The following GALNTL5 variants were observed in gnomAD, a reference collection of about 807,000 sequenced individuals.
The protein encoded by GALNTL5 is polypeptide N-acetylgalactosaminyltransferase like 5.
GALNTL5 carries 44 observed loss-of-function variants against 51.0 expected under a neutral mutation model. The observed-to-expected ratio is 0.86, with a 90% confidence interval of 0.68 to 1.11. The LOEUF is 1.11. Among genes scored for constraint, GALNTL5 ranks in the 50% least tolerant of loss-of-function variants. The pLI is 0.00. For missense variants in GALNTL5, 528 were observed against 531.8 expected, an observed-to-expected ratio of 0.99 and a Z score of 0.07; for synonymous variants, 192 against 182.8, an observed-to-expected ratio of 1.05 and a Z score of -0.41.
intron 3 of GALNTL5, among the ~76,000 whole-genome samples, chr7:151,977,755 A>T (rs1175932263): frequency 1.3e-5 from 2 of 152,114 alleles, no homozygotes; most frequent in African/African-American, 4.8e-5. Flanking sequence ...CATTACTCTA[A>T]AGTTATTGTT....
intron 5 of GALNTL5, among the ~76,000 whole-genome samples, chr7:151,999,763 A>G (rs2081547709): frequency 6.6e-6 from 1 of 152,244 alleles, no homozygotes; most frequent in African/African-American, 2.4e-5. Context: ...AATGTGAAGT[A>G]TAAAGCTGTG....
rs146171275 is a variant in GALNTL5, at chr7:151,988,778, G to A, written c.658+1497G>A. Among the ~76,000 whole-genome samples the A allele has an allele frequency of 5.1e-3, 748 of 147,784 alleles. 2 individuals carry two copies. Among genetic ancestry groups the A allele is most frequent in the Middle Eastern group, 0.018 (5 of 278 alleles). On this transcript the variant is annotated intron_variant, in intron 5 of 8. Transcript: ENST00000392800. Reference sequence around the variant, plus strand: ...AGGCTGGAGTGCAATGGCACAATCTGTAACCTCCTCCCACTGGGCTCAAGC... The same window carrying A: ...AGGCTGGAGTGCAATGGCACAATCTATAACCTCCTCCCACTGGGCTCAAGC...
chr7:151,982,831 G>T (rs761376681), intron 3 of GALNTL5, 155 bp from the exon 4 acceptor site: 1 of 1,494,640 alleles, frequency 6.7e-7, no homozygotes, highest in African/African-American at 1.4e-5. Flanking sequence ...ATAAATTTTT[G>T]TGTTTTTAGA....
intron 2 of GALNTL5, among the ~76,000 whole-genome samples, chr7:151,970,061 C>T (rs2081113327): frequency 6.6e-6 from 1 of 151,064 alleles, no homozygotes; most frequent in African/African-American, 2.4e-5. Flanking sequence ...CCACCCACCT[C>T]AGCCTCCCAA....
Position 151,967,413 on chromosome 7 carries a change from T to C in GALNTL5, c.167T>C (p.Ile56Thr), listed in dbSNP as rs1310660537. The C allele has an allele frequency of 2.5e-6, 4 of 1,614,064 alleles. No individual in the cohort carries two copies. The highest frequency in any genetic ancestry group is 3.4e-6 in the Non-Finnish European group (4 of 1,179,982). The change falls in exon 2 of 9, where the codon ATT becomes ACT. Residue 56 changes from isoleucine to threonine, a missense_variant. Transcript: ENST00000392800. ...CCTGGAAAAAAAGTGCATCAGCAAA[T>C]TATCTATGGCTCAGAGCAAATACCA... The part of the protein sequence containing the change: ...WSPGKKVHQQ[I>T]IYGSEQIPKP...
chr7:152,012,719 C>T (rs981114219), intron 7 of GALNTL5, among the ~76,000 whole-genome samples: 1 of 152,194 alleles, frequency 6.6e-6, no homozygotes, highest in Non-Finnish European at 1.5e-5. Context: ...CTAATCCGAG[C>T]ACTTTGGGAG....
At chr7:152,002,131 T>G (rs1462321611) in intron 5 of GALNTL5, among the ~76,000 whole-genome samples, 1 of 151,988 alleles carries the variant, frequency 6.6e-6, no homozygotes, top group African/African-American at 2.4e-5. Context: ...AATACAAAAA[T>G]TAGCCTGGCA....
intron 7 of GALNTL5, among the ~76,000 whole-genome samples, chr7:152,010,475 T>G (rs1228238986): frequency 6.6e-6 from 1 of 150,420 alleles, no homozygotes; most frequent in East Asian, 1.9e-4. Context: ...AGATATTTAA[T>G]TTTATTTTTG....
intron 3 of GALNTL5, among the ~76,000 whole-genome samples, chr7:151,981,616 T>C (rs1397019808): frequency 3.5e-5 from 3 of 84,718 alleles, no homozygotes; most frequent in East Asian, 4.6e-4. Flanking sequence ...CCTCCTTCCT[T>C]CCTTCCTTCC....
chr7:152,018,931 G>A (rs2081853740), intron 8 of GALNTL5, among the ~76,000 whole-genome samples: 1 of 152,162 alleles, frequency 6.6e-6, no homozygotes, highest in African/African-American at 2.4e-5. Context: ...GAAAAGATAA[G>A]GGTTCTGTTT....
chr7:151,987,218 A>G lies in GALNTL5; in HGVS notation c.595A>G (p.Ile199Val), dbSNP rs753263970. Residue 199 changes from isoleucine to valine, a missense_variant, in exon 5 of 9, where the codon ATA becomes GTA. Physicochemically the swap from Ile to Val is conservative, Grantham distance 29. Transcript: ENST00000392800. ...AACTTTTCGGGGAAAGGTTAAAATAATAAGAAACAAAAAGAGAGAGGGGCT... is the reference window on the plus strand; with the variant it reads ...AACTTTTCGGGGAAAGGTTAAAATAGTAAGAAACAAAAAGAGAGAGGGGCT... ...LETFRGKVKI[I>V]RNKKREGLIR... 3.8e-6 allele frequency: 6 copies of G among 1,599,932 alleles called. No homozygotes were observed. In the African/African-American group the frequency reaches 6.8e-5, roughly 18 times the overall value.
At chr7:151,981,093 C>T (rs1318366329) in intron 3 of GALNTL5, among the ~76,000 whole-genome samples, 3 of 152,086 alleles carry the variant, frequency 2.0e-5, no homozygotes, top group Admixed American at 1.3e-4. Context: ...AGTTGATTAA[C>T]CCAGGGATGG....
intron 3 of GALNTL5, among the ~76,000 whole-genome samples, chr7:151,978,828 T>A (rs1489054549): frequency 6.6e-6 from 1 of 152,152 alleles, no homozygotes; most frequent in Non-Finnish European, 1.5e-5. Flanking sequence ...ATTTCCCCTT[T>A]TTGTAAGAAC....
intron 3 of GALNTL5, chr7:151,982,737 C>A: frequency 1.6e-6 from 1 of 620,088 alleles, no homozygotes; most frequent in Non-Finnish European, 2.7e-6. Flanking sequence ...AGATTATCAA[C>A]ACAGTCTCAG....
intron 1 of GALNTL5, chr7:151,960,528 G>C (rs1186306764): frequency 1.3e-5 from 2 of 152,220 alleles, no homozygotes; most frequent in Non-Finnish European, 2.9e-5. Context: ...AACTTTATTC[G>C]GAGCAGATCT....
At chr7:151,974,035 A>G (rs755899469) in intron 3 of GALNTL5, among the ~76,000 whole-genome samples, 2 of 152,162 alleles carry the variant, frequency 1.3e-5, no homozygotes, top group Non-Finnish European at 2.9e-5. Context: ...ACCTTCTGCC[A>G]TGATTATAAG....
Position 152,019,782 on chromosome 7 carries a change from C to T in GALNTL5, c.1313C>T (p.Ala438Val), listed in dbSNP as rs1467500132. The T allele has an allele frequency of 6.2e-7, 1 of 1,611,978 alleles. No homozygotes were observed. Among genetic ancestry groups the T allele is most frequent in the Non-Finnish European group, 8.5e-7 (1 of 1,178,862 alleles). ...YLDNVFPELE[A>V]SVNSL ...GATAATGTCTTCCCAGAGTTGGAGG[C>T]ATCTGTGAACAGCCTGTGAAAGGAA... The change falls in exon 9 of 9, where the codon GCA becomes GTA. Residue 438 changes from alanine (A) to valine (V), a missense_variant. Transcript: ENST00000392800.
At chr7:151,971,139 A>AT (rs58859718) in intron 3 of GALNTL5, 74 bp downstream of exon 3, 348,858 of 599,002 alleles carry the variant, frequency 0.58, 97,678 homozygotes, top group South Asian at 0.62. Context: ...AGATAGATAG[A>AT]AAGAAAACAG....
chr7:152,017,934 C>T (rs2081840363), intron 8 of GALNTL5, among the ~76,000 whole-genome samples: 2 of 152,126 alleles, frequency 1.3e-5, no homozygotes, highest in African/African-American at 4.8e-5. Context: ...CAACCTCCAC[C>T]TCCCACGTTC....
Sources: allele counts gnomAD v4.1 joint callset (sites outside exome capture counted in the v4.1 genomes callset), GRCh38; gene constraint gnomAD v4.1.1; transcripts MANE v1.5; gene names NCBI Gene and HGNC (gene_info 2026-07-23, HGNC 2026-07-21).